The following GPC3 variants were observed in gnomAD, a reference collection of about 807,000 sequenced individuals.
The protein encoded by GPC3 is glypican-3.
A neutral mutation model predicts 34.4 loss-of-function variants in GPC3; 3 were observed. The observed-to-expected ratio is 0.09, with a 90% CI of 0.04 to 0.23. The LOEUF (loss-of-function observed/expected upper bound fraction) is 0.23. Among genes scored for constraint, GPC3 ranks in the 10% least tolerant of loss-of-function variants. GPC3 has a pLI of 1.00. For synonymous variants in GPC3, 177 were observed against 174.0 expected, an observed-to-expected ratio of 1.02 and a Z score of -0.13; for missense variants, 351 against 445.6, an observed-to-expected ratio of 0.79 and a Z score of 1.91.
At chrX:133,772,355 T>C (rs1384520474) in intron 2 of GPC3, among the ~76,000 whole-genome samples, 4 of 110,261 alleles carry the variant, frequency 3.6e-5, no homozygotes, top group East Asian at 2.9e-4. Context: ...TAAACAAAGG[T>C]GCTGGTGTGG....
At chrX:133,579,238 T>C (rs2069712608) in intron 7 of GPC3, among the ~76,000 whole-genome samples, 1 of 112,627 alleles carries the variant, frequency 8.9e-6, no homozygotes, top group Non-Finnish European at 1.9e-5. Flanking sequence ...CTGTACATAC[T>C]GCAATCAGTG....
intron 2 of GPC3, among the ~76,000 whole-genome samples, chrX:133,945,870 T>A (rs751050231): frequency 8.9e-6 from 1 of 112,426 alleles, no homozygotes; most frequent in African/African-American, 3.2e-5. Flanking sequence ...ATAGGCATTT[T>A]GTATTTTTTA....
intron 2 of GPC3, among the ~76,000 whole-genome samples, chrX:133,893,341 G>A (rs1399388629): frequency 3.6e-5 from 4 of 111,749 alleles, no homozygotes; most frequent in African/African-American, 1.3e-4. Flanking sequence ...GCGCTGTGAG[G>A]TATTTGGGGA....
chrX:133,753,577 T>C lies in GPC3; in HGVS notation c.937A>G (p.Ile313Val), dbSNP rs1156465706. ...LEELVNGMYRIYDMENVLLGL... is the reference protein window; with the variant it reads ...LEELVNGMYRVYDMENVLLGL... ...AGCAGTACGTTCTCCATGTCATAGA[T>C]TCTGTACATGCCATTCACAAGTTCT... The change falls in exon 3 of 8, where the codon ATC (isoleucine) becomes GTC (valine). Residue 313 changes from isoleucine (I) to valine (V), a missense_variant. Physicochemically the swap from Ile to Val is conservative, Grantham distance 29. Coordinates refer to ENST00000370818, the MANE Select transcript of GPC3 (RefSeq NM_004484.4). 5 of 1,207,636 alleles carry C rather than the reference T, an allele frequency of 4.1e-6. 1 individual carries two copies. In the South Asian group the frequency reaches 8.8e-5, roughly 21 times the overall value.
intron 6 of GPC3, among the ~76,000 whole-genome samples, chrX:133,637,287 G>A (rs1465480216): frequency 9.0e-6 from 1 of 110,524 alleles, no homozygotes; most frequent in Non-Finnish European, 1.9e-5. Flanking sequence ...GGCCAACATG[G>A]TGAAACCCTG....
intron 6 of GPC3, among the ~76,000 whole-genome samples, chrX:133,628,542 G>C (rs2070331801): frequency 9.1e-6 from 1 of 109,853 alleles, no homozygotes; most frequent in South Asian, 4.0e-4. Flanking sequence ...TGTAACCCCA[G>C]CTACTCAGGA....
At chrX:133,553,454 A>G (rs1230861028) in intron 7 of GPC3, among the ~76,000 whole-genome samples, 1 of 112,345 alleles carries the variant, frequency 8.9e-6, no homozygotes, top group Non-Finnish European at 1.9e-5. Context: ...ATGTGCTAAA[A>G]ATACGAAATG....
chrX:133,750,340 G>C lies in GPC3; in HGVS notation c.1032+3142C>G, dbSNP rs761278819. The stretch of plus-strand genomic sequence containing the variant: ...TGGAGCTCTTAGAGTAAAAGTCTAG[G>C]GGGGTCTAAGCGGGGACAGACTGGT... On this transcript the variant is annotated intron_variant, in intron 3 of 7. Coordinates refer to ENST00000370818, the MANE Select transcript of GPC3 (RefSeq NM_004484.4). 4.4e-5 allele frequency among the ~76,000 whole-genome samples: 5 copies of C among 112,400 alleles called. No individual in the cohort carries two copies. In the South Asian group the frequency reaches 1.5e-3, roughly 34 times the overall value.
chrX:133,613,184 G>A (rs1323995666), intron 6 of GPC3, among the ~76,000 whole-genome samples: 1 of 112,327 alleles, frequency 8.9e-6, no homozygotes, highest in Non-Finnish European at 1.9e-5. Context: ...CCCAAATGAA[G>A]AATACTCTTA....
intron 2 of GPC3, among the ~76,000 whole-genome samples, chrX:133,845,566 T>C (rs2075843950): frequency 8.9e-6 from 1 of 111,758 alleles, no homozygotes; most frequent in African/African-American, 3.3e-5. Flanking sequence ...TCTCTTGAGC[T>C]GAACAATGCC....
intron 7 of GPC3, among the ~76,000 whole-genome samples, chrX:133,555,478 T>C (rs908364030): frequency 8.9e-6 from 1 of 112,006 alleles, no homozygotes; most frequent in Non-Finnish European, 1.9e-5. Context: ...TTTCTGAAGA[T>C]CTAACTGCCC....
intron 6 of GPC3, among the ~76,000 whole-genome samples, chrX:133,625,159 C>G (rs1027945250): frequency 9.0e-6 from 1 of 111,539 alleles, no homozygotes; most frequent in Non-Finnish European, 1.9e-5. Context: ...ACTGATGGGA[C>G]GTATCTCAAA....
At chrX:133,808,588 G>A (rs776049296) in intron 2 of GPC3, among the ~76,000 whole-genome samples, 18 of 111,448 alleles carry the variant, frequency 1.6e-4, no homozygotes, top group Admixed American at 9.5e-4. Context: ...ATGGTGTCAT[G>A]GAAAAAGTCT....
chrX:133,599,431 A>T (rs902051163), intron 6 of GPC3, among the ~76,000 whole-genome samples: 1 of 111,977 alleles, frequency 8.9e-6, no homozygotes, highest in African/African-American at 3.2e-5. Context: ...GTCTTGATTC[A>T]TACTGTGGCA....
At chrX:133,850,494 C>T (rs1302900488) in intron 2 of GPC3, among the ~76,000 whole-genome samples, 3 of 110,762 alleles carry the variant, frequency 2.7e-5, no homozygotes, top group Non-Finnish European at 5.7e-5. Context: ...ATAGTATTTA[C>T]GTGGTAATCC....
chrX:133,773,725 C>G (rs915680193), intron 2 of GPC3, among the ~76,000 whole-genome samples: 1 of 111,624 alleles, frequency 9.0e-6, no homozygotes, highest in Non-Finnish European at 1.9e-5. Context: ...TCTTTGGGTT[C>G]TGTTTTGGGT....
chrX:133,822,595 A>G (rs2075724821), intron 2 of GPC3, among the ~76,000 whole-genome samples: 1 of 111,495 alleles, frequency 9.0e-6, no homozygotes, highest in African/African-American at 3.3e-5. Flanking sequence ...TATAGGAAAA[A>G]TATAGCATAT....
chrX:133,757,366 C>T (rs889037690), intron 2 of GPC3, among the ~76,000 whole-genome samples: 4 of 111,329 alleles, frequency 3.6e-5, no homozygotes, highest in African/African-American at 1.3e-4. Flanking sequence ...GGATACAATT[C>T]TCCAGATGTG....
chrX:133,689,377 C>A (rs1047806913), intron 5 of GPC3, among the ~76,000 whole-genome samples: 1 of 111,609 alleles, frequency 9.0e-6, no homozygotes, highest in Non-Finnish European at 1.9e-5. Flanking sequence ...ATTTGGCTAA[C>A]TTTTGGACTC....
Sources: allele counts gnomAD v4.1 joint callset (sites outside exome capture counted in the v4.1 genomes callset), GRCh38; gene constraint gnomAD v4.1.1; transcripts MANE v1.5; gene names NCBI Gene and HGNC (gene_info 2026-07-23, HGNC 2026-07-21).